The following FGF14 variants were observed in gnomAD, a reference collection of about 807,000 sequenced individuals.
FGF14 encodes the protein fibroblast growth factor 14.
FGF14 carries 5 observed loss-of-function variants against 25.5 expected under a neutral mutation model. The ratio of observed to expected loss-of-function variants is 0.20; its 90% CI spans 0.10 to 0.41. The LOEUF is 0.41. Ranked by LOEUF, FGF14 falls within the 10% of genes least tolerant of loss-of-function variation. FGF14 has a pLI of 1.00. For missense variants in FGF14, 222 were observed against 320.1 expected (o/e 0.69, Z 2.34); for synonymous variants, 138 against 118.3 (o/e 1.17, Z -1.08).
At chr13:101,753,298 GACACACACACAC>G (rs3064705) in intron 3 of FGF14, among the ~76,000 whole-genome samples, 1 of 145,802 alleles carries the variant, frequency 6.9e-6, no homozygotes, top group Non-Finnish European at 1.5e-5. Flanking sequence ...CACACAGACA[GACACACACACAC>G]ACACACACAC....
chr13:101,882,751 C>A (rs1345868421), intron 1 of FGF14, among the ~76,000 whole-genome samples: 3 of 152,036 alleles, frequency 2.0e-5, no homozygotes, highest in African/African-American at 7.2e-5. Flanking sequence ...CTGTTCATAT[C>A]TAGAACTATT....
At chr13:102,191,497 G>A (rs1358847738) in intron 1 of FGF14, among the ~76,000 whole-genome samples, 2 of 151,924 alleles carry the variant, frequency 1.3e-5, no homozygotes, top group Non-Finnish European at 2.9e-5. Context: ...TTCTTTTAAG[G>A]GCACTAATCC....
intron 3 of FGF14, 96 bp from the exon 4 acceptor site, chr13:101,726,906 G>A (rs2035475607): frequency 1.1e-6 from 1 of 937,664 alleles, no homozygotes; most frequent in Non-Finnish European, 1.6e-6. Context: ...CATGGTGAAA[G>A]AGTGCTTTGG....
chr13:102,186,836 T>C (rs1343927164), intron 1 of FGF14, among the ~76,000 whole-genome samples: 1 of 152,146 alleles, frequency 6.6e-6, no homozygotes, highest in East Asian at 1.9e-4. Context: ...TTGAGTTACA[T>C]AAATAGTGCA....
chr13:101,977,291 A>T (rs1327555518), intron 1 of FGF14, among the ~76,000 whole-genome samples: 1 of 152,190 alleles, frequency 6.6e-6, no homozygotes, highest in Non-Finnish European at 1.5e-5. Flanking sequence ...CTGCTTATGA[A>T]TACACCATAT....
intron 1 of FGF14, among the ~76,000 whole-genome samples, chr13:102,205,661 G>C (rs1340803403): frequency 5.9e-5 from 9 of 151,284 alleles, no homozygotes; most frequent in African/African-American, 1.7e-4. Context: ...TAGACTGGAG[G>C]GGTATAAACT....
At chr13:101,908,549 C>T (rs2032527440) in intron 1 of FGF14, among the ~76,000 whole-genome samples, 1 of 152,114 alleles carries the variant, frequency 6.6e-6, no homozygotes, top group Non-Finnish European at 1.5e-5. Context: ...TATTGGACCT[C>T]TTCAAAGAGA....
intron 1 of FGF14, among the ~76,000 whole-genome samples, chr13:102,157,313 T>C (rs1447597093): frequency 2.6e-5 from 4 of 152,114 alleles, no homozygotes; most frequent in East Asian, 1.9e-4. Context: ...AACAGAGATA[T>C]AGACCAATGG....
intron 1 of FGF14, among the ~76,000 whole-genome samples, chr13:102,314,092 C>T (rs887870929): frequency 2.9e-5 from 4 of 140,084 alleles, no homozygotes; most frequent in African/African-American, 1.0e-4. Context: ...TGAGGCATTA[C>T]GTATTGAAAA....
At chr13:102,387,284 AAACAC>A (rs2139208278) in intron 1 of FGF14, among the ~76,000 whole-genome samples, 1 of 152,330 alleles carries the variant, frequency 6.6e-6, no homozygotes, top group Non-Finnish European at 1.5e-5. Context: ...TGACCCCTTG[AAACAC>A]AATTCAAATT....
chr13:102,126,713 T>C (rs9557808), intron 1 of FGF14, among the ~76,000 whole-genome samples: 46,048 of 152,052 alleles, frequency 0.3, 7,833 homozygotes, highest in East Asian at 0.83. Flanking sequence ...AACAGTAATC[T>C]TTTAATAAAA....
intron 3 of FGF14, among the ~76,000 whole-genome samples, chr13:101,784,890 G>T (rs754864532): frequency 6.6e-6 from 1 of 152,308 alleles, no homozygotes; most frequent in Middle Eastern, 3.4e-3. Context: ...CAAGGGGGAA[G>T]TATCAGATGC....
intron 1 of FGF14, among the ~76,000 whole-genome samples, chr13:101,977,122 A>C (rs1347621200): frequency 6.6e-6 from 1 of 152,204 alleles, no homozygotes; most frequent in Non-Finnish European, 1.5e-5. Context: ...CAGAAAGTGA[A>C]CACATCCACA....
intron 1 of FGF14, among the ~76,000 whole-genome samples, chr13:102,256,361 T>C (rs1219846153): frequency 6.6e-6 from 1 of 151,904 alleles, no homozygotes; most frequent in African/African-American, 2.4e-5. Flanking sequence ...TAGCCAAGCA[T>C]GGTGGGACAC....
intron 1 of FGF14, among the ~76,000 whole-genome samples, chr13:101,999,088 G>A (rs1474961177): frequency 1.3e-5 from 2 of 152,018 alleles, no homozygotes; most frequent in African/African-American, 2.4e-5. Context: ...AGGCAGACTG[G>A]GGCATAATTT....
At chr13:101,908,053 T>C (rs2032465311) in intron 1 of FGF14, among the ~76,000 whole-genome samples, 1 of 152,140 alleles carries the variant, frequency 6.6e-6, no homozygotes, top group Non-Finnish European at 1.5e-5. Flanking sequence ...AGTAAGGATA[T>C]AGCTGAGAGT....
chr13:102,271,321 C>T (rs922429666), intron 1 of FGF14, among the ~76,000 whole-genome samples: 1 of 152,160 alleles, frequency 6.6e-6, no homozygotes, highest in Non-Finnish European at 1.5e-5. Context: ...CCATCATACT[C>T]ATTCTTCTCT....
intron 3 of FGF14, among the ~76,000 whole-genome samples, chr13:101,809,780 A>G (rs1037325200): frequency 1.3e-5 from 2 of 152,180 alleles, no homozygotes; most frequent in Non-Finnish European, 2.9e-5. Flanking sequence ...GGGTTGATTG[A>G]TAGATGTCAA....
chr13:102,154,730 T>TAAAGAGTCAA (rs2047245370), intron 1 of FGF14, among the ~76,000 whole-genome samples: 1 of 151,820 alleles, frequency 6.6e-6, no homozygotes, highest in African/African-American at 2.4e-5. Context: ...GCAAATTGGA[T>TAAAGAGTCAA]AAAGAGTCAA....
Sources: gnomAD v4.1 joint callset for allele counts (sites outside exome capture counted in the v4.1 genomes callset) on GRCh38, gnomAD v4.1.1 for gene constraint, MANE v1.5 for transcripts, NCBI Gene and HGNC (gene_info 2026-07-23, HGNC 2026-07-21) for gene names.